Variants in RO60 observed in about 807,000 individuals in gnomAD.
RO60 encodes the protein RNA-binding protein RO60.
A neutral mutation model predicts 55.3 loss-of-function variants in RO60; 20 were observed. The ratio of observed to expected loss-of-function variants is 0.36; its 90% CI spans 0.25 to 0.53. RO60 has a LOEUF of 0.53. Ranked by LOEUF, RO60 falls within the 20% of genes least tolerant of loss-of-function variation. The pLI is 0.92. For synonymous variants in RO60, 213 were observed against 213.6 expected (o/e 1.00, Z 0.02); for missense variants, 558 against 646.6 (o/e 0.86, Z 1.49).
At chr1:193,075,155 C>CT (rs1454747463) in intron 2 of RO60, among the ~76,000 whole-genome samples, 1 of 152,120 alleles carries the variant, frequency 6.6e-6, no homozygotes, top group Non-Finnish European at 1.5e-5. Flanking sequence ...AGTGGTGAAA[C>CT]TAAGACCTAG....
At chr1:193,075,725 A>G (rs1673864436) in intron 2 of RO60, 95 bp from the exon 3 acceptor site, 5 of 890,486 alleles carry the variant, frequency 5.6e-6, no homozygotes, top group South Asian at 1.7e-5. Flanking sequence ...TTGTGTATCC[A>G]GTTATGTTGA....
chr1:193,076,679 TACTA>T lies in RO60; in HGVS notation c.948+36_948+39del, dbSNP rs750415229. ...ATTATCATTGTTCTTTATTAGCTAC[TACTA>T]ACTGAGAAAGTGGCTCCTAAATTTT... On this transcript the variant is annotated intron_variant, in intron 4 of 8. Transcript: ENST00000400968. 12 of 1,546,888 alleles carry T rather than the reference TACTA, an allele frequency of 7.8e-6. 1 individual carries two copies. The African/African-American group carries it at 9.7e-5, about 13-fold the overall frequency.
At chr1:193,064,203 G>T (rs140218263) in intron 1 of RO60, among the ~76,000 whole-genome samples, 15 of 152,354 alleles carry the variant, frequency 9.8e-5, no homozygotes, top group African/African-American at 3.4e-4. Context: ...ACATGGGCAT[G>T]ATTGATTAAA....
chr1:193,072,965 T>C (rs1351993191), intron 2 of RO60, among the ~76,000 whole-genome samples: 2 of 152,188 alleles, frequency 1.3e-5, no homozygotes, highest in Non-Finnish European at 2.9e-5. Context: ...CCCTAGCATT[T>C]CAAAGCTTAA....
chr1:193,060,019 C>G, intron 1 of RO60: 2 of 1,356,862 alleles, frequency 1.5e-6, no homozygotes, highest in Non-Finnish European at 9.8e-7. Context: ...GGGCCCTTTC[C>G]GAAGCCGGGA....
At chr1:193,077,628 C>T (rs1026608211) in intron 5 of RO60, among the ~76,000 whole-genome samples, 3 of 152,136 alleles carry the variant, frequency 2.0e-5, no homozygotes, top group South Asian at 2.1e-4. Flanking sequence ...TGGTCCCACC[C>T]TTGAACATGT....
At chr1:193,066,060 T>A (rs1400881271) in intron 1 of RO60, among the ~76,000 whole-genome samples, 1 of 152,182 alleles carries the variant, frequency 6.6e-6, no homozygotes, top group Non-Finnish European at 1.5e-5. Context: ...CAGGGGGGAA[T>A]GTCTTCAGTT....
chr1:193,063,042 T>C (rs922416576), intron 1 of RO60, among the ~76,000 whole-genome samples: 3 of 152,242 alleles, frequency 2.0e-5, no homozygotes, highest in Non-Finnish European at 2.9e-5. Flanking sequence ...TTTTCTTAGG[T>C]GTGTGGTAGA....
At position 193,088,162 on chromosome 1, in the gene RO60, CT is replaced by C. The variant is rs145943712; in HGVS notation, c.*3462del. 9.7e-4 allele frequency: 43 copies of C among 44,398 alleles called. No individual in the cohort carries two copies. Among genetic ancestry groups the C allele is most frequent in the East Asian group, 3.2e-3 (6 of 1,896 alleles). 2.8% of individuals were successfully genotyped at this position (44,398 alleles called of 1,614,324 possible). The stretch of plus-strand genomic sequence containing the variant: ...GGTGTGCACTGCACTACCACGCCTG[CT>C]TTTTTTTTTTTTTTTTTTTTTTTTT... On this transcript the variant is annotated 3_prime_UTR_variant, in exon 9 of 9. Transcript: ENST00000400968.
intron 1 of RO60, among the ~76,000 whole-genome samples, chr1:193,061,649 A>G (rs1050926739): frequency 3.3e-5 from 5 of 152,276 alleles, no homozygotes; most frequent in Non-Finnish European, 7.3e-5. Context: ...TTAAAAGTAG[A>G]GAAATGGACA....
At chr1:193,082,796 ATTCTGTT>A in intron 8 of RO60, 88 bp downstream of exon 8, 1 of 1,156,014 alleles carries the variant, frequency 8.7e-7, no homozygotes, top group Non-Finnish European at 1.2e-6. Flanking sequence ...ACAGGACCTC[ATTCTGTT>A]GCCCTGGCTG....
Position 193,077,070 on chromosome 1 carries a change from T to C in RO60, c.1086+20T>C. The C allele has an allele frequency of 6.3e-7, 1 of 1,591,226 alleles. No individual in the cohort carries two copies. On this transcript the variant is annotated intron_variant, in intron 5 of 8. Coordinates refer to ENST00000400968, the MANE Select transcript of RO60 (RefSeq NM_001173524.2). ...TTTAAGGTAGTGATATGATTTTTGT[T>C]TTAAAACAAATGACTGAAGACTTAA...
intron 2 of RO60, among the ~76,000 whole-genome samples, chr1:193,074,905 T>C (rs1673797686): frequency 1.3e-5 from 2 of 152,212 alleles, no homozygotes; most frequent in South Asian, 4.1e-4. Context: ...TGAATTAATT[T>C]TTGTATAAGG....
intron 5 of RO60, among the ~76,000 whole-genome samples, chr1:193,080,688 A>T (rs1189800469): frequency 2.0e-5 from 3 of 152,250 alleles, no homozygotes; most frequent in Admixed American, 2.0e-4. Context: ...GCCTTAGAAA[A>T]GAATTAAATT....
At chr1:193,070,866 T>G (rs1340338554) in intron 2 of RO60, among the ~76,000 whole-genome samples, 1 of 152,250 alleles carries the variant, frequency 6.6e-6, no homozygotes, top group East Asian at 1.9e-4. Flanking sequence ...TTTATATGTA[T>G]AAACATTTTA....
Position 193,084,992 on chromosome 1 carries a change from CTG to C in RO60, c.*263_*264del, listed in dbSNP as rs777643790. The stretch of plus-strand genomic sequence containing the variant: ...ATAGAGAACTTTTTGTTAACAGACA[CTG>C]TAAAATAGTTTTGCTTTGTTGAATA... On this transcript the variant is annotated 3_prime_UTR_variant, in exon 9 of 9. Coordinates refer to ENST00000400968, the MANE Select transcript of RO60 (RefSeq NM_001173524.2). 1.7e-5 allele frequency: 27 copies of C among 1,544,414 alleles called. No individual in the cohort carries two copies. Among genetic ancestry groups the C allele is most frequent in the African/African-American group, 6.9e-5 (5 of 72,854 alleles).
intron 2 of RO60, among the ~76,000 whole-genome samples, chr1:193,071,766 T>C (rs1012188620): frequency 7.4e-5 from 11 of 148,376 alleles, no homozygotes; most frequent in Non-Finnish European, 1.2e-4. Context: ...TATAATATAG[T>C]ATATATAATA....
intron 1 of RO60, among the ~76,000 whole-genome samples, chr1:193,063,794 G>A (rs747794752): frequency 4.6e-5 from 7 of 152,138 alleles, no homozygotes; most frequent in Admixed American, 2.0e-4. Flanking sequence ...TCTGCCCTGC[G>A]GACTACAAAT....
intron 8 of RO60, among the ~76,000 whole-genome samples, chr1:193,083,060 C>T (rs1674426722): frequency 6.6e-6 from 1 of 152,082 alleles, no homozygotes; most frequent in African/African-American, 2.4e-5. Flanking sequence ...ATTCTTGATT[C>T]TTATTCACTT....
Sources: gnomAD v4.1 joint callset for allele counts (sites outside exome capture counted in the v4.1 genomes callset) on GRCh38, gnomAD v4.1.1 for gene constraint, MANE v1.5 for transcripts, NCBI Gene and HGNC (gene_info 2026-07-23, HGNC 2026-07-21) for gene names.